Variants in MYO3A observed in about 807,000 individuals in gnomAD.
The protein encoded by MYO3A is myosin-IIIa.
MYO3A carries 180 observed loss-of-function variants against 192.7 expected under a neutral mutation model. The ratio of observed to expected loss-of-function variants is 0.93; its 90% CI spans 0.83 to 1.06. MYO3A has a LOEUF of 1.06. MYO3A is among the 50% of genes least tolerant of loss of function. MYO3A has a pLI of 0.00. For synonymous variants in MYO3A, 628 were observed against 645.3 expected (o/e 0.97, Z 0.41); for missense variants, 1,896 against 1,905.0 (o/e 1.00, Z 0.09).
At chr10:25,952,351 T>C in intron 3 of MYO3A, 73 bp downstream of exon 3, 1 of 1,438,202 alleles carries the variant, frequency 7.0e-7, no homozygotes, top group Non-Finnish European at 9.6e-7. Context: ...CTGTATTTTA[T>C]CTTGATTTAT....
At chr10:26,127,454 C>T (rs1378768259) in intron 19 of MYO3A, among the ~76,000 whole-genome samples, 1 of 152,124 alleles carries the variant, frequency 6.6e-6, no homozygotes, top group South Asian at 2.1e-4. Flanking sequence ...AAAATAAGAA[C>T]TTTCAGAAAT....
At chr10:26,162,461 C>T (rs1841530264) in intron 26 of MYO3A, among the ~76,000 whole-genome samples, 1 of 152,242 alleles carries the variant, frequency 6.6e-6, no homozygotes, top group Non-Finnish European at 1.5e-5. Context: ...TATCTGTAAT[C>T]TCTCATTTAT....
At chr10:26,048,634 C>T (rs1327838294) in intron 10 of MYO3A, among the ~76,000 whole-genome samples, 4 of 152,086 alleles carry the variant, frequency 2.6e-5, no homozygotes, top group African/African-American at 7.2e-5. Flanking sequence ...AGATGTTGTT[C>T]CCTGTCCATG....
intron 30 of MYO3A, 113 bp from the exon 31 acceptor site, chr10:26,176,588 A>G (rs1842346188): frequency 1.1e-6 from 1 of 926,230 alleles, no homozygotes. Context: ...GGCCCTGGAG[A>G]GGAACATGAG....
intron 30 of MYO3A, among the ~76,000 whole-genome samples, 186 bp downstream of exon 30, chr10:26,174,743 G>A (rs1244601119): frequency 1.3e-5 from 2 of 152,044 alleles, no homozygotes; most frequent in East Asian, 1.9e-4. Context: ...CCAATTTACC[G>A]TGGTAACAAT....
intron 3 of MYO3A, 117 bp from the exon 4 acceptor site, chr10:25,954,757 T>C: frequency 9.0e-7 from 1 of 1,110,804 alleles, no homozygotes; most frequent in Non-Finnish European, 1.3e-6. Flanking sequence ...CTAAGCACAG[T>C]AAAAACTATT....
At chr10:26,157,249 C>CT in intron 25 of MYO3A, 61 bp from the exon 26 acceptor site, 1 of 1,483,390 alleles carries the variant, frequency 6.7e-7, no homozygotes, top group South Asian at 1.1e-5. Context: ...AAAGAAAGGC[C>CT]TACAAGCTCA....
intron 9 of MYO3A, among the ~76,000 whole-genome samples, 193 bp from the exon 10 acceptor site, chr10:26,026,183 CA>C (rs1169605303): frequency 6.6e-6 from 1 of 152,212 alleles, no homozygotes; most frequent in African/African-American, 2.4e-5. Context: ...TGCACTTTCA[CA>C]AACATTTGTT....
intron 26 of MYO3A, 102 bp downstream of exon 26, chr10:26,157,617 AG>A: frequency 1.6e-6 from 2 of 1,255,388 alleles, no homozygotes; most frequent in African/African-American, 1.5e-5. Context: ...GAGGTCTAGG[AG>A]GGAGGCATTT....
At position 26,026,049 on chromosome 10, in the gene MYO3A, G is replaced by A. The variant is rs143872630; in HGVS notation, c.798-328G>A. 3.0e-3 allele frequency among the ~76,000 whole-genome samples: 451 copies of A among 152,306 alleles called. 3 individuals are homozygous for A. Among genetic ancestry groups the A allele is most frequent in the African/African-American group, 0.011 (437 of 41,582 alleles). On this transcript the variant is annotated intron_variant, in intron 9 of 34. Transcript: ENST00000642920. ...GTCATTTATCTGCAGCTACTGACTT[G>A]TAAAGGAGACTTTGCAGTGGAGACA...
chr10:26,045,232 C>T (rs1307994893), intron 10 of MYO3A, among the ~76,000 whole-genome samples: 1 of 152,166 alleles, frequency 6.6e-6, no homozygotes, highest in Non-Finnish European at 1.5e-5. Context: ...TGTCCATGAG[C>T]ACTTGTGAGA....
intron 6 of MYO3A, among the ~76,000 whole-genome samples, chr10:26,009,495 G>A (rs1406786494): frequency 6.6e-6 from 1 of 152,212 alleles, no homozygotes; most frequent in Admixed American, 6.5e-5. Flanking sequence ...GGCAAGAGCT[G>A]AGACTGCTTG....
intron 4 of MYO3A, among the ~76,000 whole-genome samples, chr10:25,968,104 A>C (rs765992471): frequency 6.6e-6 from 1 of 152,222 alleles, no homozygotes; most frequent in Non-Finnish European, 1.5e-5. Flanking sequence ...TATGAGAAAG[A>C]AAGCCACACT....
chr10:26,050,671 G>C (rs557344512), intron 10 of MYO3A, among the ~76,000 whole-genome samples: 1 of 152,264 alleles, frequency 6.6e-6, no homozygotes, highest in East Asian at 1.9e-4. Context: ...CTAAAACTCA[G>C]GTCGCTCTAT....
chr10:26,211,404 G>A (rs2132254090), intron 34 of MYO3A, among the ~76,000 whole-genome samples: 1 of 152,300 alleles, frequency 6.6e-6, no homozygotes, highest in African/African-American at 2.4e-5. Context: ...TTTTGAGTGA[G>A]CATTTTTTAA....
chr10:26,117,026 T>A (rs1334010519), intron 17 of MYO3A, among the ~76,000 whole-genome samples: 1 of 152,204 alleles, frequency 6.6e-6, no homozygotes, highest in Non-Finnish European at 1.5e-5. Flanking sequence ...ACCTTTCAGC[T>A]GATATTTAGT....
At chr10:26,035,514 A>G (rs867614777) in intron 10 of MYO3A, among the ~76,000 whole-genome samples, 3 of 152,248 alleles carry the variant, frequency 2.0e-5, no homozygotes, top group South Asian at 4.1e-4. Context: ...CACTTGTGCT[A>G]AATACCTAGT....
intron 14 of MYO3A, among the ~76,000 whole-genome samples, chr10:26,080,502 C>G (rs1239285927): frequency 1.4e-5 from 2 of 145,878 alleles, no homozygotes; most frequent in Admixed American, 7.1e-5. Context: ...AGCTTAATAA[C>G]TAACCTCTTG....
intron 14 of MYO3A, among the ~76,000 whole-genome samples, chr10:26,079,505 G>C (rs1419866515): frequency 1.3e-5 from 2 of 152,144 alleles, no homozygotes; most frequent in Non-Finnish European, 2.9e-5. Flanking sequence ...TTCAATGTTA[G>C]TATTGAGATG....
Sources: gnomAD v4.1 joint callset for allele counts (sites outside exome capture counted in the v4.1 genomes callset) on GRCh38, gnomAD v4.1.1 for gene constraint, MANE v1.5 for transcripts, NCBI Gene and HGNC (gene_info 2026-07-23, HGNC 2026-07-21) for gene names.